The following TDRKH variants were observed in gnomAD, a reference collection of about 807,000 sequenced individuals.
TDRKH encodes the protein tudor and KH domain containing, also known as tudor and KH domain-containing protein.
TDRKH carries 28 observed loss-of-function variants against 61.3 expected under a neutral mutation model. The observed-to-expected ratio is 0.46, with a 90% CI of 0.34 to 0.63. The LOEUF is 0.63. TDRKH is among the 20% of genes least tolerant of loss of function. The pLI is 0.01. For missense variants in TDRKH, 540 were observed against 683.4 expected (o/e 0.79, Z 2.34); for synonymous variants, 219 against 244.4 (o/e 0.90, Z 0.97).
chr1:151,766,600 T>A (rs763696431), downstream of TDRKH: 160 of 1,146,238 alleles, frequency 1.4e-4, no homozygotes, highest in Non-Finnish European at 1.9e-4. Flanking sequence ...TGAGGTGACA[T>A]AAGGGCTGAC....
In TDRKH at chr1:151,778,809, A is replaced by G; in HGVS notation, c.759T>C (p.Pro253=). Reference sequence around the variant, plus strand: ...CCATGTCGCCTCCTCCTTTGGGTGGAGGAGTCACCAGGGGTGCAGTCGGCT... The same window carrying G: ...CCATGTCGCCTCCTCCTTTGGGTGGGGGAGTCACCAGGGGTGCAGTCGGCT... ...SMEPTAPLVT[P]PPKGGGDMAV... is the part of the protein sequence containing the mutation. Residue 253 remains proline (P), a synonymous_variant, in exon 6 of 13, where the codon CCT becomes CCC. Coordinates refer to ENST00000368824, the MANE Select transcript of TDRKH (RefSeq NM_001083965.2). 1.2e-6 allele frequency: 2 copies of G among 1,614,132 alleles called. No homozygotes were observed. The highest frequency in any genetic ancestry group is 2.2e-5 in the South Asian group (2 of 91,084).
chr1:151,775,128 G>A lies in TDRKH; in HGVS notation c.1473C>T (p.Tyr491=), dbSNP rs752865957. The change falls in exon 11 of 13, where the codon TAC becomes TAT. Residue 491 remains tyrosine (Y), a synonymous_variant. Coordinates refer to ENST00000368824, the MANE Select transcript of TDRKH (RefSeq NM_001083965.2). ...CTATGTCTTCAGGAAGCTCAATTGC[G>A]TATCCTTTGTGTACTAATTCTAGCC... ...DIGLELVHKG[Y]AIELPEDIEE... is the part of the protein sequence containing the mutation. 1.3e-5 allele frequency: 21 copies of A among 1,613,926 alleles called. No homozygotes were observed. The highest frequency in any genetic ancestry group is 1.6e-4 in the Middle Eastern group (1 of 6,084).
chr1:151,775,693 C>G, intron 9 of TDRKH, 127 bp downstream of exon 9: 1 of 1,483,730 alleles, frequency 6.7e-7, no homozygotes, highest in Non-Finnish European at 9.2e-7. Context: ...GCTGCTAGTG[C>G]TGGTGAGGAA....
downstream of TDRKH, chr1:151,771,392 C>G (rs1039850904): frequency 5.2e-6 from 7 of 1,336,320 alleles, no homozygotes; most frequent in African/African-American, 1.1e-4. Context: ...GGATATACAC[C>G]TTAACAGAGC....
downstream of TDRKH, chr1:151,771,797 TAAAGAA>T (rs1344419659): frequency 7.6e-6 from 3 of 396,034 alleles, no homozygotes; most frequent in Admixed American, 4.4e-5. Context: ...AAAGGCATAT[TAAAGAA>T]AAAGACTTTT....
chr1:151,776,203 C>T lies in TDRKH; in HGVS notation c.1110G>A (p.Trp370Ter). ...VAAPLPTNGS[W>*]YRARVLGTLE... ...AGGTGCCGAGGACCCGGGCTCGATA[C>T]CAGGAACCATTTGTAGGTAAAGGTG... Residue 370 changes from tryptophan to a stop codon, truncating the protein, a stop_gained, in exon 8 of 13, where the codon TGG becomes TGA. Coordinates refer to ENST00000368824, the MANE Select transcript of TDRKH (RefSeq NM_001083965.2). LOFTEE classifies it high-confidence loss of function. 2 of 1,614,162 alleles carry T rather than the reference C, an allele frequency of 1.2e-6. No homozygotes were observed. The highest frequency in any genetic ancestry group is 2.2e-5 in the East Asian group (1 of 44,886).
intron 4 of TDRKH, among the ~76,000 whole-genome samples, 165 bp from the exon 5 acceptor site, chr1:151,779,407 C>A (rs1649529052): frequency 6.6e-6 from 1 of 152,210 alleles, no homozygotes; most frequent in South Asian, 2.1e-4. Flanking sequence ...GAAATCATTA[C>A]TGTGAAAAGG....
chr1:151,775,329 A>G (rs1300673855), intron 10 of TDRKH, 63 bp downstream of exon 10: 1 of 1,568,632 alleles, frequency 6.4e-7, no homozygotes, highest in African/African-American at 1.4e-5. Flanking sequence ...TGAGGAAGAA[A>G]AAGTAAATTA....
At chr1:151,784,974 C>T (rs1230200623) in intron 1 of TDRKH, among the ~76,000 whole-genome samples, 1 of 150,834 alleles carries the variant, frequency 6.6e-6, no homozygotes, top group Non-Finnish European at 1.5e-5. Flanking sequence ...TCTCTGTTGC[C>T]AGGCTGGAGT....
Position 151,775,555 on chromosome 1 carries a change from T to C in TDRKH, c.1283-12A>G, listed in dbSNP as rs1359087735. 4.0e-5 allele frequency: 64 copies of C among 1,611,002 alleles called. No individual in the cohort carries two copies. The highest frequency in any genetic ancestry group is 5.3e-5 in the Non-Finnish European group (62 of 1,178,708). On this transcript the variant is annotated splice_polypyrimidine_tract_variant and intron_variant, in intron 9 of 12. Transcript: ENST00000368824. ...TTCCCACTGGTCACCTGGCAAAAGA[T>C]TGTAGGGGTTACTGCTGATAGGGGT...
At chr1:151,767,078 C>T, downstream of TDRKH, 2 of 1,541,332 alleles carry the variant, frequency 1.3e-6, no homozygotes, top group East Asian at 2.3e-5. Flanking sequence ...ACAGAAAATA[C>T]AGAAGATCAT....
chr1:151,774,792 A>T lies in TDRKH; in HGVS notation c.1551T>A (p.Asp517Glu). 6.2e-7 allele frequency: 1 copy of T among 1,614,224 alleles called. No individual in the cohort carries two copies. Among genetic ancestry groups the T allele is most frequent in the Non-Finnish European group, 8.5e-7 (1 of 1,180,030 alleles). Residue 517 changes from aspartate (D) to glutamate (E), a missense_variant, in exon 12 of 13, where the codon GAT becomes GAA. Around this residue, in one of 3 missense-constraint regions of TDRKH, gnomAD observed 379 missense variants for 443.8 expected, o/e 0.85. Transcript: ENST00000368824. ...DMLKDMATET[D>E]ASLSTLLTET... ...CAGTGAGCAACGTGCTGAGAGAGGC[A>T]TCTGTTTCTGTGGCCTGAGTGGATG...
At chr1:151,789,948 A>G (rs948109173) in intron 1 of TDRKH, among the ~76,000 whole-genome samples, 6 of 152,304 alleles carry the variant, frequency 3.9e-5, no homozygotes, top group Non-Finnish European at 7.4e-5. Context: ...TTAAGGAATG[A>G]GGGATACTGG....
chr1:151,781,676 G>C, intron 2 of TDRKH, 89 bp from the exon 3 acceptor site: 1 of 1,117,916 alleles, frequency 8.9e-7, no homozygotes, highest in Admixed American at 2.0e-5. Flanking sequence ...GGCTGTCAAA[G>C]AGACACTGAT....
chr1:151,776,688 C>A, intron 6 of TDRKH, 89 bp from the exon 7 acceptor site: 2 of 1,453,456 alleles, frequency 1.4e-6, no homozygotes, highest in Admixed American at 2.2e-5. Context: ...GGTACAAATA[C>A]CAATGGCTGT....
intron 1 of TDRKH, among the ~76,000 whole-genome samples, chr1:151,784,084 T>C (rs533952695): frequency 4.7e-4 from 72 of 152,236 alleles, no homozygotes; most frequent in African/African-American, 1.7e-3. Context: ...CCTTGCTATT[T>C]CACTAAAAAA....
At chr1:151,771,463 G>A (rs1166088910), downstream of TDRKH, 1 of 907,856 alleles carries the variant, frequency 1.1e-6, no homozygotes, top group Non-Finnish European at 1.5e-6. Flanking sequence ...AAGGATTTTT[G>A]GTTCCCTTTG....
Position 151,782,855 on chromosome 1 carries a change from C to T in TDRKH, c.124+44G>A, listed in dbSNP as rs1178719300. ...TTTTTTCAATTTAACAAGGCAGGAG[C>T]ATGTCTGAACATTTTCACACACACA... On this transcript the variant is annotated intron_variant, in intron 2 of 12. Coordinates refer to ENST00000368824, the MANE Select transcript of TDRKH (RefSeq NM_001083965.2). The T allele has an allele frequency of 9.9e-6, 15 of 1,510,926 alleles. No individual in the cohort carries two copies. In the East Asian group the frequency reaches 3.5e-4, roughly 36 times the overall value. The allele number at this position is 1,510,926 out of a possible 1,614,324, so 93.6% of individuals were successfully genotyped here.
chr1:151,783,009 C>T lies in TDRKH; in HGVS notation c.14G>A (p.Arg5Gln), dbSNP rs559051650. The change falls in exon 2 of 13, where the codon CGG (arginine) becomes CAG (glutamine). Residue 5 changes from arginine to glutamine, a missense_variant. Arg to Gln is a conservative substitution (Grantham distance 43). Transcript: ENST00000368824. Reference protein sequence around the residue: MSTERTSWTSLSTIQ... With the variant: MSTEQTSWTSLSTIQ... ...GGTGGACAGGCTTGTCCAAGAAGTC[C>T]GTTCAGTAGACATTTTCTGCTGTAC... 4.0e-5 allele frequency: 65 copies of T among 1,612,796 alleles called. No individual in the cohort carries two copies. Among genetic ancestry groups the T allele is most frequent in the Admixed American group, 1.8e-4 (11 of 59,742 alleles).
Sources: allele counts gnomAD v4.1 joint callset (sites outside exome capture counted in the v4.1 genomes callset), GRCh38; gene constraint gnomAD v4.1.1; regional missense constraint gnomAD v4.1.1; transcripts MANE v1.5; gene names NCBI Gene and HGNC (gene_info 2026-07-23, HGNC 2026-07-21).